Variants in BPI observed in about 807,000 individuals in gnomAD.
BPI encodes the protein bactericidal permeability increasing protein, also known as bactericidal permeability-increasing protein.
Under a neutral mutation model 57.6 loss-of-function variants are expected in BPI, and 48 were observed. That is an observed-to-expected ratio of 0.83 (90% CI 0.66 to 1.06). The LOEUF (loss-of-function observed/expected upper bound fraction) is 1.06, where lower values mean the gene tolerates loss of function less well. Among genes scored for constraint, BPI ranks in the 50% least tolerant of loss-of-function variants. The probability of loss-of-function intolerance (pLI) is 0.00; values close to 1 mark genes in which losing one functional copy is unlikely to be tolerated. For missense variants in BPI, 651 were observed against 609.7 expected (o/e 1.07, Z -0.71); for synonymous variants, 237 against 238.2 (o/e 0.99, Z 0.05).
At chr20:38,334,586 T>A in intron 13 of BPI, 93 bp downstream of exon 13, 6 of 1,286,350 alleles carry the variant, frequency 4.7e-6, no homozygotes, top group Non-Finnish European at 5.7e-6. Flanking sequence ...GCCCCAGGTA[T>A]GAGGGCTGGG....
intron 14 of BPI, among the ~76,000 whole-genome samples, chr20:38,336,490 A>G (rs1436764073): frequency 1.3e-5 from 2 of 151,864 alleles, no homozygotes; most frequent in African/African-American, 2.4e-5. Flanking sequence ...TCACCTCCGC[A>G]GCGAAACCGT....
intron 7 of BPI, chr20:38,321,760 T>A (rs1352024681): frequency 6.6e-6 from 1 of 152,014 alleles, no homozygotes; most frequent in East Asian, 1.9e-4. Flanking sequence ...TACCCGAGTC[T>A]ACAACCTAGA....
intron 8 of BPI, 57 bp from the exon 9 acceptor site, chr20:38,324,717 C>T (rs5741807): frequency 5.6e-6 from 8 of 1,421,658 alleles, no homozygotes; most frequent in South Asian, 2.3e-5. Context: ...GAACTCACCC[C>T]CTCTGCTCCG....
intron 11 of BPI, 96 bp from the exon 12 acceptor site, chr20:38,330,952 C>T: frequency 4.9e-6 from 7 of 1,428,010 alleles, no homozygotes; most frequent in Non-Finnish European, 6.8e-6. Context: ...GAAAACCAGA[C>T]AGTATCCACC....
At chr20:38,325,882 T>C (rs2076710195) in intron 9 of BPI, among the ~76,000 whole-genome samples, 1 of 152,126 alleles carries the variant, frequency 6.6e-6, no homozygotes, top group African/African-American at 2.4e-5. Flanking sequence ...CCCTCCTTAG[T>C]TCCCCCTTGA....
intron 5 of BPI, among the ~76,000 whole-genome samples, chr20:38,313,275 C>A (rs1191573331): frequency 6.6e-6 from 1 of 151,262 alleles, no homozygotes; most frequent in African/African-American, 2.4e-5. Flanking sequence ...CCCAGCTACT[C>A]GGCATGCTGA....
intron 3 of BPI, 47 bp downstream of exon 3, chr20:38,309,105 T>A (rs199987679): frequency 6.9e-5 from 112 of 1,612,586 alleles, no homozygotes; most frequent in Non-Finnish European, 9.0e-5. Flanking sequence ...TTGGTGATAT[T>A]TGGACGGGAT....
At chr20:38,336,316 C>T (rs182097061) in intron 14 of BPI, among the ~76,000 whole-genome samples, 198 of 152,256 alleles carry the variant, frequency 1.3e-3, no homozygotes, top group Non-Finnish European at 2.1e-3. Context: ...CTTCGTCACT[C>T]TTGTCAACCT....
chr20:38,332,144 G>A (rs1297149265), intron 12 of BPI, among the ~76,000 whole-genome samples: 1 of 152,236 alleles, frequency 6.6e-6, no homozygotes, highest in African/African-American at 2.4e-5. Flanking sequence ...AGAGGGGCAA[G>A]CACAGGCTAG....
chr20:38,329,318 C>A (rs188723901), intron 11 of BPI, among the ~76,000 whole-genome samples: 1 of 152,222 alleles, frequency 6.6e-6, no homozygotes, highest in Non-Finnish European at 1.5e-5. Flanking sequence ...GCTGTTTTCA[C>A]GCCGCCTTGA....
In BPI at chr20:38,326,231, T is replaced by C. The variant is rs374131490; in HGVS notation, c.994-34T>C. The C allele has an allele frequency of 2.5e-6, 4 of 1,587,878 alleles. No homozygotes were observed. In the African/African-American group the frequency reaches 5.4e-5, roughly 21 times the overall value. Reference sequence around the variant, plus strand: ...TCAGAAACATTTTAACAGAAACTCCTCCTTTCGTTGATTGTCTCCACTGGG... The same window carrying C: ...TCAGAAACATTTTAACAGAAACTCCCCCTTTCGTTGATTGTCTCCACTGGG... On this transcript the variant is annotated intron_variant, in intron 9 of 14. Coordinates refer to ENST00000642449, the MANE Select transcript of BPI (RefSeq NM_001725.3).
At chr20:38,322,504 T>C (rs2076691569) in intron 7 of BPI, among the ~76,000 whole-genome samples, 1 of 152,224 alleles carries the variant, frequency 6.6e-6, no homozygotes, top group Non-Finnish European at 1.5e-5. Flanking sequence ...AAAATCCATC[T>C]AGATTTTGCT....
chr20:38,304,726 G>C (rs906369365), intron 1 of BPI, among the ~76,000 whole-genome samples: 3 of 152,170 alleles, frequency 2.0e-5, no homozygotes, highest in Admixed American at 6.5e-5. Context: ...GGCTGAGCAG[G>C]GTCAGAGGGA....
At chr20:38,308,666 C>A in intron 2 of BPI, among the ~76,000 whole-genome samples, 1 of 152,174 alleles carries the variant, frequency 6.6e-6, no homozygotes, top group East Asian at 1.9e-4. Flanking sequence ...GAAACTGAGG[C>A]TGGGGTAATT....
chr20:38,309,444 T>G (rs1311833645), intron 3 of BPI, among the ~76,000 whole-genome samples: 3 of 152,106 alleles, frequency 2.0e-5, no homozygotes, highest in Non-Finnish European at 4.4e-5. Flanking sequence ...CTGATCTGGG[T>G]TGGGCTTAGC....
At chr20:38,314,865 TGATG>T (rs2076644744) in intron 5 of BPI, among the ~76,000 whole-genome samples, 1 of 151,450 alleles carries the variant, frequency 6.6e-6, no homozygotes, top group Non-Finnish European at 1.5e-5. Flanking sequence ...ATGATGATGA[TGATG>T]GTGATGGTGA....
At position 38,311,942 on chromosome 20, in the gene BPI, G is replaced by A; in HGVS notation, c.600+5G>A. The A allele has an allele frequency of 6.2e-7, 1 of 1,613,718 alleles. No homozygotes were observed. Among genetic ancestry groups the A allele is most frequent in the Non-Finnish European group, 8.5e-7 (1 of 1,179,872 alleles). On this transcript the variant is annotated splice_donor_5th_base_variant and intron_variant, in intron 5 of 14. Transcript: ENST00000642449. ...CGAAACAAGATGAACAGCCAGGTAG[G>A]AGGGGCTCAGAGCCCCATCAGCAAA...
intron 4 of BPI, among the ~76,000 whole-genome samples, chr20:38,311,148 G>A (rs1049067985): frequency 2.0e-5 from 3 of 152,160 alleles, no homozygotes; most frequent in Non-Finnish European, 2.9e-5. Context: ...CTGTGAGGTC[G>A]GTCTATTATT....
intron 6 of BPI, among the ~76,000 whole-genome samples, chr20:38,319,284 C>T (rs1351753531): frequency 6.6e-6 from 1 of 152,074 alleles, no homozygotes; most frequent in East Asian, 1.9e-4. Context: ...ACCTGAGGCT[C>T]AGAGAGTAGG....
Sources: allele counts gnomAD v4.1 joint callset (sites outside exome capture counted in the v4.1 genomes callset), GRCh38; gene constraint gnomAD v4.1.1; transcripts MANE v1.5; gene names NCBI Gene and HGNC (gene_info 2026-07-23, HGNC 2026-07-21).